MAGI1: variants seen among roughly 807,000 people sequenced by gnomAD.
MAGI1 encodes the protein membrane-associated guanylate kinase, WW and PDZ domain-containing protein 1.
Under a neutral mutation model 139.9 loss-of-function variants are expected in MAGI1, and 58 were observed. The ratio of observed to expected loss-of-function variants is 0.41; its 90% CI spans 0.34 to 0.52. The LOEUF (loss-of-function observed/expected upper bound fraction) is 0.52. Among genes scored for constraint, MAGI1 ranks in the 20% least tolerant of loss-of-function variants. The pLI is 0.12. For missense variants in MAGI1, 1,874 were observed against 1,901.6 expected (o/e 0.99, Z 0.27); for synonymous variants, 812 against 737.9 (o/e 1.10, Z -1.63).
chr3:65,467,183 T>C (rs1177097688), intron 5 of MAGI1, among the ~76,000 whole-genome samples: 1 of 152,246 alleles, frequency 6.6e-6, no homozygotes, highest in Non-Finnish European at 1.5e-5. Flanking sequence ...TTGTTTTCTA[T>C]ACAATGCCAA....
intron 1 of MAGI1, among the ~76,000 whole-genome samples, chr3:65,655,820 T>A (rs1228442067): frequency 6.6e-6 from 1 of 152,228 alleles, no homozygotes; most frequent in Non-Finnish European, 1.5e-5. Context: ...TGAATTCCAA[T>A]GTCCAGTTGA....
At chr3:65,698,514 G>A (rs1451018158) in intron 1 of MAGI1, among the ~76,000 whole-genome samples, 1 of 151,920 alleles carries the variant, frequency 6.6e-6, no homozygotes, top group South Asian at 2.1e-4. Context: ...CATGGTACTG[G>A]TACCAAAACA....
At chr3:65,459,413 T>G (rs1041283797) in intron 5 of MAGI1, among the ~76,000 whole-genome samples, 1 of 152,212 alleles carries the variant, frequency 6.6e-6, no homozygotes, top group Non-Finnish European at 1.5e-5. Context: ...TTAACAATAT[T>G]GATTCTTCCA....
chr3:65,973,712 C>G (rs911825504), intron 1 of MAGI1, among the ~76,000 whole-genome samples: 3 of 152,194 alleles, frequency 2.0e-5, no homozygotes, highest in Non-Finnish European at 4.4e-5. Context: ...ATAATACTTA[C>G]AATTCCTTGT....
chr3:65,354,634 T>G lies in MAGI1; in HGVS notation c.*1744A>C, dbSNP rs1173688488. 1 of 152,620 alleles carries G rather than the reference T, an allele frequency of 6.6e-6. No individual in the cohort carries two copies. The highest frequency in any genetic ancestry group is 1.5e-5 in the Non-Finnish European group (1 of 68,024). The allele number at this position is 152,620 out of a possible 1,614,324, so 9.5% of individuals were successfully genotyped here. On this transcript the variant is annotated 3_prime_UTR_variant, in exon 23 of 23. Coordinates refer to ENST00000402939, the MANE Select transcript of MAGI1 (RefSeq NM_001033057.2). ...TCAAACCAACTAAAGCTTTAGAGAA[T>G]TACTTATATAGTCTCCCATTTTAAA... is the stretch of plus-strand genomic sequence containing the variant.
In MAGI1 at chr3:65,454,557, A is replaced by ATAATAATAATAAT. The variant is rs5849671; in HGVS notation, c.960-1218_960-1217insATTATTATTATTA. ...AATAATAATAATAATAATAATAATA[A>ATAATAATAATAAT]AAAAATACTTGTTTTACAAAAAAAA... On this transcript the variant is annotated intron_variant, in intron 5 of 22. Transcript: ENST00000402939. Among the ~76,000 whole-genome samples the ATAATAATAATAAT allele has an allele frequency of 3.9e-3, 555 of 143,216 alleles. 2 individuals carry two copies. Among genetic ancestry groups the ATAATAATAATAAT allele is most frequent in the African/African-American group, 0.014 (536 of 37,438 alleles). 94.0% of individuals were successfully genotyped at this position (143,216 alleles called of 152,430 possible).
intron 6 of MAGI1, among the ~76,000 whole-genome samples, chr3:65,449,583 T>G (rs2107477464): frequency 6.6e-6 from 1 of 152,192 alleles, no homozygotes; most frequent in East Asian, 1.9e-4. Flanking sequence ...GAGACCAGCC[T>G]GGCCAACATG....
intron 1 of MAGI1, among the ~76,000 whole-genome samples, chr3:65,958,285 A>G (rs1576259366): frequency 6.6e-6 from 1 of 152,320 alleles, no homozygotes; most frequent in East Asian, 1.9e-4. Flanking sequence ...TTAGCTCAAT[A>G]TTCTTAACAT....
chr3:65,956,462 A>T (rs1457788048), intron 1 of MAGI1, among the ~76,000 whole-genome samples: 1 of 152,200 alleles, frequency 6.6e-6, no homozygotes, highest in Non-Finnish European at 1.5e-5. Flanking sequence ...GATTCAAATG[A>T]TCACCTAGTA....
At chr3:65,711,627 G>A (rs1309890862) in intron 1 of MAGI1, among the ~76,000 whole-genome samples, 1 of 152,152 alleles carries the variant, frequency 6.6e-6, no homozygotes, top group Non-Finnish European at 1.5e-5. Flanking sequence ...GCAAAATGAG[G>A]TCATATGGGT....
At chr3:65,517,675 G>A (rs890881879) in intron 2 of MAGI1, among the ~76,000 whole-genome samples, 12 of 152,058 alleles carry the variant, frequency 7.9e-5, no homozygotes, top group African/African-American at 2.9e-4. Context: ...CAGTCTCATC[G>A]CATCCTAAGA....
intron 1 of MAGI1, among the ~76,000 whole-genome samples, chr3:65,950,465 A>G (rs2063783206): frequency 6.6e-6 from 1 of 152,178 alleles, no homozygotes; most frequent in African/African-American, 2.4e-5. Context: ...ATCCTCAGAG[A>G]AAGTATGTTG....
chr3:65,501,811 T>C (rs1445102006), intron 2 of MAGI1, among the ~76,000 whole-genome samples: 1 of 152,202 alleles, frequency 6.6e-6, no homozygotes, highest in Admixed American at 6.5e-5. Context: ...CAACCAAATG[T>C]GGTTCAATTG....
At chr3:66,016,704 G>T (rs574540874) in intron 1 of MAGI1, among the ~76,000 whole-genome samples, 2 of 152,286 alleles carry the variant, frequency 1.3e-5, no homozygotes, top group African/African-American at 4.8e-5. Flanking sequence ...CTTCCAAGGG[G>T]AGTGGGAAGA....
At chr3:65,900,357 C>A (rs560360504) in intron 1 of MAGI1, among the ~76,000 whole-genome samples, 2 of 152,184 alleles carry the variant, frequency 1.3e-5, no homozygotes, top group African/African-American at 2.4e-5. Context: ...AAGAGGTAGA[C>A]AGAAAACACA....
At chr3:65,365,075 C>T (rs1941282673) in intron 18 of MAGI1, 129 bp from the exon 19 acceptor site, 1 of 813,750 alleles carries the variant, frequency 1.2e-6, no homozygotes, top group Admixed American at 1.7e-5. Context: ...AGCAGTCTGA[C>T]TTGAATTTCT....
intron 1 of MAGI1, among the ~76,000 whole-genome samples, chr3:65,720,744 GT>G (rs1364786545): frequency 6.6e-6 from 1 of 151,866 alleles, no homozygotes; most frequent in African/African-American, 2.4e-5. Flanking sequence ...TTTTTTGTTT[GT>G]TTTATTTTTT....
chr3:65,369,484 G>A (rs1359110008), intron 18 of MAGI1, among the ~76,000 whole-genome samples: 1 of 151,758 alleles, frequency 6.6e-6, no homozygotes, highest in African/African-American at 2.4e-5. Context: ...CTGGGGTTTC[G>A]AGAACAGTGT....
chr3:65,592,618 A>G (rs1265301660), intron 2 of MAGI1, among the ~76,000 whole-genome samples: 1 of 152,200 alleles, frequency 6.6e-6, no homozygotes, highest in African/African-American at 2.4e-5. Context: ...AAGAAAAAAG[A>G]AAAAAGCTAT....
Sources: allele counts gnomAD v4.1 joint callset (sites outside exome capture counted in the v4.1 genomes callset), GRCh38; gene constraint gnomAD v4.1.1; transcripts MANE v1.5; gene names NCBI Gene and HGNC (gene_info 2026-07-23, HGNC 2026-07-21).